Variants in HMCN1 observed in about 807,000 individuals in gnomAD.
HMCN1 encodes the protein hemicentin 1, also known as hemicentin-1.
In HMCN1, 321 loss-of-function variants were observed where a neutral mutation model predicts 625.9. That is an observed-to-expected ratio of 0.51 (90% CI 0.47 to 0.56). HMCN1 has a LOEUF of 0.56. Ranked by LOEUF, HMCN1 falls within the 20% of genes least tolerant of loss-of-function variation. The pLI is 0.00. For synonymous variants in HMCN1, 2,425 were observed against 2,417.6 expected, an observed-to-expected ratio of 1.00 and a Z score of -0.09; for missense variants, 6,588 against 6,887.3, an observed-to-expected ratio of 0.96 and a Z score of 1.54.
In HMCN1 at chr1:185,799,607, G is replaced by A. The variant is rs933014422; in HGVS notation, c.269-46419G>A. Among the ~76,000 whole-genome samples, 12 of 152,252 alleles carry A rather than the reference G, an allele frequency of 7.9e-5. No individual in the cohort carries two copies. In the South Asian group the frequency reaches 8.3e-4, roughly 11 times the overall value. The stretch of plus-strand genomic sequence containing the variant: ...AGCTTTCTAGCTTTCTTAAATGCCC[G>A]TTGTAGTGGCAGGTAGGTCAGTGAG... On this transcript the variant is annotated intron_variant, in intron 1 of 106. Transcript: ENST00000271588.
chr1:186,117,283 T>C (rs890980472), intron 76 of HMCN1, among the ~76,000 whole-genome samples, 168 bp downstream of exon 76: 1 of 152,126 alleles, frequency 6.6e-6, no homozygotes. Flanking sequence ...TGGGGGTTTG[T>C]TGTACAAATT....
intron 8 of HMCN1, 107 bp from the exon 9 acceptor site, chr1:185,924,940 G>T: frequency 3.1e-6 from 3 of 976,074 alleles, no homozygotes; most frequent in Non-Finnish European, 4.7e-6. Flanking sequence ...AGGATTTACT[G>T]GAATAATTTA....
intron 90 of HMCN1, 36 bp from the exon 91 acceptor site, chr1:186,144,497 T>C: frequency 1.2e-6 from 2 of 1,613,744 alleles, no homozygotes; most frequent in Non-Finnish European, 1.7e-6. Context: ...GGTTCCTAGG[T>C]AGTAAGAAAG....
chr1:186,123,100 G>A lies in HMCN1; in HGVS notation c.12379G>A (p.Val4127Ile), dbSNP rs758778660. The A allele has an allele frequency of 6.2e-6, 10 of 1,613,966 alleles. No individual in the cohort carries two copies. Among genetic ancestry groups the A allele is most frequent in the Admixed American group, 1.7e-5 (1 of 59,982 alleles). ...AATTGTGGAATCTATCCGCCAGCGC[G>A]TCCTCAGCTCTGGCTCTCTGCAAAT... is the stretch of plus-strand genomic sequence containing the variant. ...RAIVESIRQR[V>I]LSSGSLQIAF... The change falls in exon 81 of 107, where the codon GTC becomes ATC. Residue 4127 changes from valine (V) to isoleucine (I), a missense_variant. Val to Ile is a conservative substitution (Grantham distance 29, BLOSUM62 3). Around this residue, in one of 3 missense-constraint regions of HMCN1, gnomAD observed 1,954 missense variants for 2,013.1 expected, o/e 0.97. Coordinates refer to ENST00000271588, the MANE Select transcript of HMCN1 (RefSeq NM_031935.3).
Position 186,117,606 on chromosome 1 carries a change from ATAGAATTC to A in HMCN1, c.11833_11840del (p.Arg3945ValfsTer6). The A allele has an allele frequency of 6.2e-7, 1 of 1,613,794 alleles. No homozygotes were observed. The highest frequency in any genetic ancestry group is 8.5e-7 in the Non-Finnish European group (1 of 1,179,734). ...AGACTGCTTCCCAGGGGAGATGGCTATAGAATTCTGTCCTCAGGTAAGACCAAGCTCAG... is the reference window on the plus strand; with the variant it reads ...AGACTGCTTCCCAGGGGAGATGGCTATGTCCTCAGGTAAGACCAAGCTCAG... On this transcript the variant is annotated frameshift_variant, in exon 77 of 107. Transcript: ENST00000271588. LOFTEE classifies it high-confidence loss of function.
At chr1:186,162,853 A>AG (rs1651600083) in intron 97 of HMCN1, among the ~76,000 whole-genome samples, 1 of 152,294 alleles carries the variant, frequency 6.6e-6, no homozygotes, top group East Asian at 1.9e-4. Context: ...TAGGCTGCTC[A>AG]GGGGTCAGGG....
intron 1 of HMCN1, among the ~76,000 whole-genome samples, chr1:185,845,825 C>A (rs1661777463): frequency 6.6e-6 from 1 of 152,326 alleles, no homozygotes; most frequent in Non-Finnish European, 1.5e-5. Context: ...TAAAAATTCA[C>A]TCTTTTAGAT....
rs1271657011 is a variant in HMCN1, at chr1:186,087,565, A to G, written c.9283A>G (p.Lys3095Glu). Reference sequence around the variant, plus strand: ...GCCACCTCCAGTCATCACTTGGTATAAGAATGGGCGGATGATAACAGAGTC... The same window carrying G: ...GCCACCTCCAGTCATCACTTGGTATGAGAATGGGCGGATGATAACAGAGTC... Reference protein sequence around the residue: ...AVPPPVITWYKNGRMITESTH... With the variant: ...AVPPPVITWYENGRMITESTH... Residue 3095 changes from lysine to glutamate, a missense_variant, in exon 60 of 107, where the codon AAG becomes GAG. By Grantham distance (56) the Lys-to-Glu change is moderately conservative. Transcript: ENST00000271588. 1 of 1,613,308 alleles carries G rather than the reference A, an allele frequency of 6.2e-7. No homozygotes were observed. The highest frequency in any genetic ancestry group is 1.1e-5 in the South Asian group (1 of 91,072).
chr1:185,864,627 A>AAGTG lies in HMCN1; in HGVS notation c.498+3_498+6dup. 1.5e-5 allele frequency: 25 copies of AAGTG among 1,613,902 alleles called. No individual in the cohort carries two copies. The highest frequency in any genetic ancestry group is 2.1e-5 in the Non-Finnish European group (25 of 1,179,892). On this transcript the variant is annotated frameshift_variant and splice_region_variant, in exon 3 of 107. Coordinates refer to ENST00000271588, the MANE Select transcript of HMCN1 (RefSeq NM_031935.3). LOFTEE classifies it high-confidence loss of function. ...CAACTTATCCAACAGAAACAGTCAC[A>AAGTG]AGTGAGTAAGAATCAACCCCAAACG...
chr1:186,041,377 A>G (rs1656194414), intron 40 of HMCN1, among the ~76,000 whole-genome samples: 1 of 152,104 alleles, frequency 6.6e-6, no homozygotes, highest in Non-Finnish European at 1.5e-5. Context: ...GGTTTTATAG[A>G]GTACTCTGAA....
chr1:186,184,093 A>C (rs1242897259), intron 105 of HMCN1, among the ~76,000 whole-genome samples: 3 of 152,176 alleles, frequency 2.0e-5, no homozygotes, highest in Admixed American at 6.6e-5. Flanking sequence ...TCACTCACTT[A>C]GTTCAAAACG....
chr1:186,178,687 A>G lies in HMCN1; in HGVS notation c.16215A>G (p.Arg5405=). ...YSSYSEYRNS[R]TSLSRTRRTI... is the part of the protein sequence containing the mutation. Reference sequence around the variant, plus strand: ...CCTACTCAGAGTATAGAAACAGCAGAACATCTCTCTCCAGGACTAGAAGGA... The same window carrying G: ...CCTACTCAGAGTATAGAAACAGCAGGACATCTCTCTCCAGGACTAGAAGGA... Residue 5405 remains arginine (R), a synonymous_variant, in exon 104 of 107, where the codon AGA becomes AGG. Coordinates refer to ENST00000271588, the MANE Select transcript of HMCN1 (RefSeq NM_031935.3). The G allele has an allele frequency of 6.2e-7, 1 of 1,614,146 alleles. No individual in the cohort carries two copies. The highest frequency in any genetic ancestry group is 1.1e-5 in the South Asian group (1 of 91,084).
intron 1 of HMCN1, among the ~76,000 whole-genome samples, chr1:185,777,552 A>C (rs1656704759): frequency 6.6e-6 from 1 of 152,068 alleles, no homozygotes; most frequent in African/African-American, 2.4e-5. Context: ...CCTGGCTTCA[A>C]GTGATTCTCC....
At chr1:185,735,219 C>T (rs1290200983) in intron 1 of HMCN1, among the ~76,000 whole-genome samples, 172 bp downstream of exon 1, 2 of 152,112 alleles carry the variant, frequency 1.3e-5, no homozygotes, top group Non-Finnish European at 2.9e-5. Flanking sequence ...CTCATTGATA[C>T]CTACTTAAGT....
intron 1 of HMCN1, among the ~76,000 whole-genome samples, chr1:185,837,660 T>C (rs1293810806): frequency 6.6e-6 from 1 of 152,206 alleles, no homozygotes. Context: ...AACATGGTTT[T>C]TCTCTCTTCA....
chr1:185,824,103 T>C (rs1355078932), intron 1 of HMCN1, among the ~76,000 whole-genome samples: 1 of 152,180 alleles, frequency 6.6e-6, no homozygotes, highest in Non-Finnish European at 1.5e-5. Flanking sequence ...TTTTGTTAAC[T>C]CACATGTCCT....
At chr1:186,050,860 G>A (rs1472927247) in intron 42 of HMCN1, among the ~76,000 whole-genome samples, 1 of 152,046 alleles carries the variant, frequency 6.6e-6, no homozygotes, top group Admixed American at 6.6e-5. Context: ...TTGTTCTCAC[G>A]GAACTTATAG....
intron 35 of HMCN1, 97 bp downstream of exon 35, chr1:186,019,792 G>A: frequency 9.7e-7 from 1 of 1,034,456 alleles, no homozygotes; most frequent in Non-Finnish European, 1.4e-6. Flanking sequence ...TTTCCTGTTG[G>A]ACAGATTTTG....
intron 2 of HMCN1, 56 bp downstream of exon 2, chr1:185,846,152 CT>C: frequency 4.6e-6 from 6 of 1,307,860 alleles, no homozygotes; most frequent in Non-Finnish European, 6.6e-6. Context: ...GAGCCTTTGG[CT>C]GATTTTCTTT....
Sources: allele counts gnomAD v4.1 joint callset (sites outside exome capture counted in the v4.1 genomes callset), GRCh38; gene constraint gnomAD v4.1.1; regional missense constraint gnomAD v4.1.1; transcripts MANE v1.5; gene names NCBI Gene and HGNC (gene_info 2026-07-23, HGNC 2026-07-21).